Variants in GABRB2 observed in about 807,000 individuals in gnomAD.
GABRB2 encodes the protein gamma-aminobutyric acid receptor subunit beta-2.
GABRB2 carries 16 observed loss-of-function variants against 54.7 expected under a neutral mutation model. That is an observed-to-expected ratio of 0.29 (90% CI 0.20 to 0.44). The LOEUF (loss-of-function observed/expected upper bound fraction) is 0.44. Among genes scored for constraint, GABRB2 ranks in the 20% least tolerant of loss-of-function variants. The probability of loss-of-function intolerance (pLI) is 1.00; values close to 1 mark genes in which losing one functional copy is unlikely to be tolerated. For synonymous variants in GABRB2, 244 were observed against 233.8 expected, an observed-to-expected ratio of 1.04 and a Z score of -0.40; for missense variants, 355 against 644.0, an observed-to-expected ratio of 0.55 and a Z score of 4.86.
At chr5:161,312,987 C>T (rs1050719304) in intron 9 of GABRB2, among the ~76,000 whole-genome samples, 3 of 152,182 alleles carry the variant, frequency 2.0e-5, no homozygotes, top group African/African-American at 4.8e-5. Flanking sequence ...CTCGATTTTA[C>T]ACTGTGGGTA....
In GABRB2 at chr5:161,427,537, C is replaced by T. The variant is rs542350597; in HGVS notation, c.459-16480G>A. Among the ~76,000 whole-genome samples, 8 of 152,244 alleles carry T rather than the reference C, an allele frequency of 5.3e-5. No individual in the cohort carries two copies. The East Asian group carries it at 1.5e-3, about 29-fold the overall frequency. ...TTCTGTACGTTCAAGTTCACCAAAG[C>T]AGCCTCTATCTTTAATTCCTAGGAA... On this transcript the variant is annotated intron_variant, in intron 4 of 9. Coordinates refer to ENST00000393959, the MANE Select transcript of GABRB2 (RefSeq NM_001371727.1).
At chr5:161,409,389 C>A (rs902026676) in intron 5 of GABRB2, among the ~76,000 whole-genome samples, 3 of 152,026 alleles carry the variant, frequency 2.0e-5, no homozygotes, top group African/African-American at 7.2e-5. Context: ...ATATTTGAGT[C>A]AAAATTATAA....
At chr5:161,387,235 T>A (rs1755672646) in intron 5 of GABRB2, among the ~76,000 whole-genome samples, 1 of 152,140 alleles carries the variant, frequency 6.6e-6, no homozygotes, top group Admixed American at 6.6e-5. Context: ...TGCACACTGA[T>A]CTTCCTAACA....
intron 5 of GABRB2, among the ~76,000 whole-genome samples, chr5:161,387,820 G>A (rs566279223): frequency 8.5e-5 from 13 of 152,146 alleles, no homozygotes; most frequent in Admixed American, 3.3e-4. Flanking sequence ...AGACTAGCAC[G>A]TCTAGAAATT....
At chr5:161,385,947 G>GGGGT (rs1166010591) in intron 5 of GABRB2, among the ~76,000 whole-genome samples, 26 of 93,354 alleles carry the variant, frequency 2.8e-4, no homozygotes, top group Admixed American at 2.7e-3. Context: ...CCTATTGTCT[G>GGGGT]GTGTGTGTGT....
intron 4 of GABRB2, among the ~76,000 whole-genome samples, chr5:161,422,589 T>C (rs1756881357): frequency 6.6e-6 from 1 of 152,160 alleles, no homozygotes; most frequent in South Asian, 2.1e-4. Context: ...GCAAATATAG[T>C]TGATTTTTGT....
At chr5:161,510,378 T>C (rs1359530134) in intron 3 of GABRB2, among the ~76,000 whole-genome samples, 2 of 151,944 alleles carry the variant, frequency 1.3e-5, no homozygotes, top group Non-Finnish European at 2.9e-5. Context: ...GCCTGGCTTA[T>C]TTTACTTAAC....
chr5:161,383,881 T>C (rs1421139860), intron 5 of GABRB2, among the ~76,000 whole-genome samples: 1 of 152,216 alleles, frequency 6.6e-6, no homozygotes, highest in Non-Finnish European at 1.5e-5. Flanking sequence ...TATAGATAGA[T>C]ATATGCATAA....
rs148189921 is a variant in GABRB2, at chr5:161,422,451, G to C, written c.459-11394C>G. Among the ~76,000 whole-genome samples, 7 of 152,132 alleles carry C rather than the reference G, an allele frequency of 4.6e-5. No homozygotes were observed. In the East Asian group the frequency reaches 9.6e-4, roughly 21 times the overall value. ...CACTTTAAGAAGAGTGAGGACATAG[G>C]AAAGTTTTATTAATAAGTGAAAGTT... On this transcript the variant is annotated intron_variant, in intron 4 of 9. Transcript: ENST00000393959.
chr5:161,544,287 A>T (rs74475962), intron 3 of GABRB2, among the ~76,000 whole-genome samples: 1,870 of 152,298 alleles, frequency 0.012, 41 homozygotes, highest in African/African-American at 0.043. Context: ...TGAAAGTAAC[A>T]CTGGAATTCT....
chr5:161,445,669 C>A (rs1435622248), intron 4 of GABRB2, among the ~76,000 whole-genome samples: 1 of 152,100 alleles, frequency 6.6e-6, no homozygotes, highest in Non-Finnish European at 1.5e-5. Flanking sequence ...TTGAAAACAC[C>A]TTATCACAAC....
At chr5:161,313,165 C>T (rs898298380) in intron 9 of GABRB2, among the ~76,000 whole-genome samples, 5 of 152,236 alleles carry the variant, frequency 3.3e-5, no homozygotes, top group South Asian at 2.1e-4. Context: ...AATGAGCCCG[C>T]GATACTGGAG....
intron 5 of GABRB2, among the ~76,000 whole-genome samples, chr5:161,342,835 A>T (rs924939704): frequency 1.3e-4 from 20 of 152,076 alleles, no homozygotes; most frequent in Non-Finnish European, 2.4e-4. Flanking sequence ...TTGCAATAAC[A>T]TAGAGATAGA....
At chr5:161,524,984 T>C (rs1440435843) in intron 3 of GABRB2, among the ~76,000 whole-genome samples, 3 of 151,384 alleles carry the variant, frequency 2.0e-5, no homozygotes, top group Non-Finnish European at 4.4e-5. Context: ...TTTCATTTCT[T>C]GTTTATATAC....
intron 5 of GABRB2, among the ~76,000 whole-genome samples, chr5:161,396,887 C>A (rs1756018606): frequency 6.6e-6 from 1 of 152,080 alleles, no homozygotes; most frequent in East Asian, 1.9e-4. Context: ...CTTTGAAATT[C>A]TTTAAGCCCC....
At chr5:161,366,067 C>T (rs1754963617) in intron 5 of GABRB2, among the ~76,000 whole-genome samples, 1 of 149,888 alleles carries the variant, frequency 6.7e-6, no homozygotes. Context: ...AGTATGAACT[C>T]CGTAAAGCCA....
At chr5:161,464,356 A>G (rs547683735) in intron 3 of GABRB2, among the ~76,000 whole-genome samples, 1 of 152,264 alleles carries the variant, frequency 6.6e-6, no homozygotes, top group African/African-American at 2.4e-5. Flanking sequence ...ACCACTAGTC[A>G]TTATGGAAAA....
At chr5:161,436,599 C>T (rs189249979) in intron 4 of GABRB2, among the ~76,000 whole-genome samples, 40 of 151,626 alleles carry the variant, frequency 2.6e-4, no homozygotes, top group African/African-American at 9.4e-4. Flanking sequence ...GAATAGAGAG[C>T]TCCACTGATT....
At position 161,470,671 on chromosome 5, in the gene GABRB2, A is replaced by T. The variant is rs781580892; in HGVS notation, c.238-10827T>A. Among the ~76,000 whole-genome samples, 21 of 151,966 alleles carry T rather than the reference A, an allele frequency of 1.4e-4. 1 individual carries two copies. Among genetic ancestry groups the T allele is most frequent in the Non-Finnish European group, 1.9e-4 (13 of 67,926 alleles). The stretch of plus-strand genomic sequence containing the variant: ...CACTTTCTAGGTGGGACAGAGCGGG[A>T]TGGCGAGAGATTTCATCACACTCCT... On this transcript the variant is annotated intron_variant, in intron 3 of 9. Coordinates refer to ENST00000393959, the MANE Select transcript of GABRB2 (RefSeq NM_001371727.1).
Sources: allele counts gnomAD v4.1 joint callset (sites outside exome capture counted in the v4.1 genomes callset), GRCh38; gene constraint gnomAD v4.1.1; transcripts MANE v1.5; gene names NCBI Gene and HGNC (gene_info 2026-07-23, HGNC 2026-07-21).